The following CDH8 variants were observed in gnomAD, a reference collection of about 807,000 sequenced individuals.
CDH8 encodes cadherin 8.
A neutral mutation model predicts 68.1 loss-of-function variants in CDH8; 17 were observed. The ratio of observed to expected loss-of-function variants is 0.25; its 90% confidence interval spans 0.17 to 0.37. The LOEUF (loss-of-function observed/expected upper bound fraction) is 0.37, where lower values mean the gene tolerates loss of function less well. CDH8 is among the 10% of genes least tolerant of loss of function. The pLI, the probability that CDH8 is intolerant of heterozygous loss-of-function variation, is 1.00. For missense variants in CDH8, 763 were observed against 999.3 expected, an observed-to-expected ratio of 0.76 and a Z score of 3.19; for synonymous variants, 372 against 365.1, an observed-to-expected ratio of 1.02 and a Z score of -0.21.
intron 4 of CDH8, among the ~76,000 whole-genome samples, chr16:61,850,296 A>G (rs569751682): frequency 1.3e-5 from 2 of 152,176 alleles, no homozygotes; most frequent in South Asian, 4.1e-4. Flanking sequence ...TGCATGAACT[A>G]ATAGAATGAG....
intron 2 of CDH8, among the ~76,000 whole-genome samples, chr16:61,924,336 A>C (rs891767823): frequency 4.6e-5 from 7 of 152,182 alleles, no homozygotes; most frequent in African/African-American, 1.7e-4. Context: ...ACAATTATTT[A>C]TAATACTTCT....
chr16:61,749,158 A>G (rs886221036), intron 8 of CDH8, among the ~76,000 whole-genome samples: 1 of 151,980 alleles, frequency 6.6e-6, no homozygotes, highest in Non-Finnish European at 1.5e-5. Flanking sequence ...AGAACATTTG[A>G]CATCATTTGA....
chr16:61,942,416 G>A (rs1234561318), intron 2 of CDH8, among the ~76,000 whole-genome samples: 1 of 152,196 alleles, frequency 6.6e-6, no homozygotes, highest in African/African-American at 2.4e-5. Flanking sequence ...AGAATTGCTT[G>A]AGCCTAAGAG....
Position 61,847,908 on chromosome 16 carries a change from A to AAC in CDH8, c.667+9209_667+9210dup, listed in dbSNP as rs142042812. 1.0e-2 allele frequency among the ~76,000 whole-genome samples: 1,497 copies of AAC among 150,424 alleles called. 20 individuals are homozygous for AAC. Among genetic ancestry groups the AAC allele is most frequent in the African/African-American group, 0.033 (1,349 of 41,092 alleles). ...ACACACACACACACACACACAGACA[A>AAC]ACACACACACACACACTTTTTTATT... On this transcript the variant is annotated intron_variant, in intron 4 of 11. Transcript: ENST00000577390.
intron 2 of CDH8, among the ~76,000 whole-genome samples, chr16:61,968,057 G>A (rs542949119): frequency 8.5e-5 from 13 of 152,250 alleles, no homozygotes; most frequent in African/African-American, 2.6e-4. Flanking sequence ...CGATCCACCC[G>A]CTTTGGCCTC....
intron 3 of CDH8, among the ~76,000 whole-genome samples, chr16:61,880,383 T>G (rs1286188115): frequency 6.6e-6 from 1 of 152,172 alleles, no homozygotes; most frequent in East Asian, 1.9e-4. Context: ...GAGGCAGTGA[T>G]AAGATGTGAA....
chr16:61,656,432 A>G (rs1319559355), intron 10 of CDH8, among the ~76,000 whole-genome samples: 18 of 152,154 alleles, frequency 1.2e-4, no homozygotes, highest in Admixed American at 1.2e-3. Context: ...TTTGAAACAC[A>G]TGTTTGAGAA....
intron 10 of CDH8, among the ~76,000 whole-genome samples, chr16:61,696,082 A>G (rs1268263025): frequency 6.6e-6 from 1 of 152,204 alleles, no homozygotes; most frequent in Non-Finnish European, 1.5e-5. Flanking sequence ...TAAGTCACAT[A>G]ATAGACAACT....
At chr16:61,673,433 A>C (rs2142783281) in intron 10 of CDH8, among the ~76,000 whole-genome samples, 1 of 152,264 alleles carries the variant, frequency 6.6e-6, no homozygotes, top group African/African-American at 2.4e-5. Context: ...ATATAAGTCA[A>C]CTTTCTTTAA....
intron 7 of CDH8, among the ~76,000 whole-genome samples, chr16:61,796,790 C>T (rs1217819236): frequency 1.3e-5 from 2 of 151,900 alleles, no homozygotes. Context: ...TGTTCAAAGA[C>T]GATAATTTAA....
intron 4 of CDH8, among the ~76,000 whole-genome samples, chr16:61,832,915 T>C (rs1962491035): frequency 6.6e-6 from 1 of 151,788 alleles, no homozygotes; most frequent in South Asian, 2.1e-4. Flanking sequence ...TTGATATGTT[T>C]TAGTGCAGGC....
intron 2 of CDH8, among the ~76,000 whole-genome samples, chr16:61,944,100 T>C (rs764757798): frequency 5.9e-5 from 9 of 152,188 alleles, no homozygotes; most frequent in Non-Finnish European, 1.2e-4. Flanking sequence ...TATTTCCTTC[T>C]ACAGAGGAGA....
chr16:61,763,275 A>C (rs1426171298), intron 8 of CDH8, among the ~76,000 whole-genome samples: 1 of 152,164 alleles, frequency 6.6e-6, no homozygotes, highest in Non-Finnish European at 1.5e-5. Context: ...AATTGCATAC[A>C]CACGTGCCAG....
intron 9 of CDH8, chr16:61,725,563 A>C (rs944792784): frequency 9.9e-5 from 15 of 150,858 alleles, no homozygotes; most frequent in African/African-American, 3.6e-4. Context: ...TCCACACAAC[A>C]ACCATATCTT....
intron 2 of CDH8, among the ~76,000 whole-genome samples, chr16:61,968,479 A>C (rs928636564): frequency 6.6e-6 from 1 of 152,190 alleles, no homozygotes; most frequent in Non-Finnish European, 1.5e-5. Flanking sequence ...CTGCAATCAC[A>C]ATCCTCTCCA....
intron 4 of CDH8, among the ~76,000 whole-genome samples, chr16:61,854,486 T>C (rs977722506): frequency 2.6e-5 from 4 of 152,152 alleles, no homozygotes; most frequent in African/African-American, 9.6e-5. Flanking sequence ...GTAGAAGATC[T>C]GCATTTGATA....
chr16:61,876,942 T>C (rs144199680), intron 3 of CDH8, among the ~76,000 whole-genome samples: 642 of 152,272 alleles, frequency 4.2e-3, no homozygotes, highest in Middle Eastern at 6.8e-3. Context: ...ACTTACTTGC[T>C]TTACCCACTT....
intron 2 of CDH8, among the ~76,000 whole-genome samples, chr16:61,914,130 G>A (rs550830711): frequency 6.6e-6 from 1 of 152,084 alleles, no homozygotes; most frequent in African/African-American, 2.4e-5. Flanking sequence ...CAGAGAGAAG[G>A]CACCCATCAC....
intron 2 of CDH8, among the ~76,000 whole-genome samples, chr16:61,987,236 G>A (rs550743483): frequency 1.2e-4 from 18 of 152,282 alleles, no homozygotes; most frequent in East Asian, 1.9e-4. Context: ...CAGGCCCGTG[G>A]CTCACACCTG....
Sources: allele counts gnomAD v4.1 joint callset (sites outside exome capture counted in the v4.1 genomes callset), GRCh38; gene constraint gnomAD v4.1.1; transcripts MANE v1.5; gene names NCBI Gene and HGNC (gene_info 2026-07-23, HGNC 2026-07-21).